SEM1: variants seen among roughly 807,000 people sequenced by gnomAD.
The protein encoded by SEM1 is 26S proteasome complex subunit SEM1.
SEM1 carries 3 observed loss-of-function variants against 12.7 expected under a neutral mutation model. The ratio of observed to expected loss-of-function variants is 0.24; its 90% CI spans 0.11 to 0.61. SEM1 has a LOEUF of 0.61. Among genes scored for constraint, SEM1 ranks in the 20% least tolerant of loss-of-function variants. The pLI is 0.88. For missense variants in SEM1, 59 were observed against 81.3 expected, an observed-to-expected ratio of 0.73 and a Z score of 1.06; for synonymous variants, 30 against 27.8, an observed-to-expected ratio of 1.08 and a Z score of -0.25.
chr7:96,616,208 G>C (rs1227677024), intron 2 of SEM1, among the ~76,000 whole-genome samples: 1 of 151,652 alleles, frequency 6.6e-6, no homozygotes, highest in African/African-American at 2.4e-5. Context: ...AACATTTATT[G>C]GTTTTAGACT....
intron 2 of SEM1, among the ~76,000 whole-genome samples, chr7:96,552,801 A>G (rs947789062): frequency 3.3e-5 from 5 of 152,040 alleles, no homozygotes; most frequent in Admixed American, 6.6e-5. Context: ...ACTAGTTTAC[A>G]GTCCCACCAA....
chr7:96,553,895 T>C (rs1051189627), intron 2 of SEM1, among the ~76,000 whole-genome samples: 2 of 152,200 alleles, frequency 1.3e-5, no homozygotes, highest in Non-Finnish European at 2.9e-5. Flanking sequence ...TAGTTCTCCT[T>C]GAAGAGGTCC....
intron 2 of SEM1, among the ~76,000 whole-genome samples, chr7:96,514,058 G>A (rs1248565942): frequency 6.6e-6 from 1 of 152,046 alleles, no homozygotes; most frequent in Admixed American, 6.6e-5. Flanking sequence ...TACATTTGGG[G>A]AAAGAAAATT....
At chr7:96,496,020 A>G (rs1280661102) in intron 1 of SEM1, among the ~76,000 whole-genome samples, 1 of 152,100 alleles carries the variant, frequency 6.6e-6, no homozygotes, top group Non-Finnish European at 1.5e-5. Context: ...CTGTCATTTC[A>G]TTGTACAAAC....
At chr7:96,486,200 T>TA (rs1802750989) in intron 2 of SEM1, 2 of 1,534,672 alleles carry the variant, frequency 1.3e-6, no homozygotes, top group Non-Finnish European at 1.7e-6. Flanking sequence ...GTCATCTGCT[T>TA]ACCTGCAGAC....
downstream of SEM1, among the ~76,000 whole-genome samples, chr7:96,618,531 A>G (rs1174820503): frequency 1.3e-5 from 2 of 152,140 alleles, no homozygotes; most frequent in East Asian, 3.9e-4. Flanking sequence ...TCGTAAGTTC[A>G]GTAACTTTAT....
chr7:96,488,806 G>A (rs979186309), intron 1 of SEM1, among the ~76,000 whole-genome samples: 9 of 152,010 alleles, frequency 5.9e-5, no homozygotes, highest in African/African-American at 9.7e-5. Flanking sequence ...GCATAATTCC[G>A]TGCCAAAATG....
intron 1 of SEM1, chr7:96,695,687 G>A (rs1422685348): frequency 2.0e-5 from 3 of 151,810 alleles, no homozygotes; most frequent in African/African-American, 7.2e-5. Flanking sequence ...TAGATACTAT[G>A]TTCTTGAGTA....
chr7:96,543,635 G>A (rs1464377018), intron 2 of SEM1, among the ~76,000 whole-genome samples: 1 of 151,816 alleles, frequency 6.6e-6, no homozygotes, highest in East Asian at 1.9e-4. Flanking sequence ...AGTAGTTTAT[G>A]TATCATAGCA....
At chr7:96,578,462 C>G (rs1806279125) in intron 2 of SEM1, among the ~76,000 whole-genome samples, 1 of 152,094 alleles carries the variant, frequency 6.6e-6, no homozygotes, top group Admixed American at 6.6e-5. Flanking sequence ...GAGAAAATAA[C>G]TGTCAACCTA....
intron 2 of SEM1, among the ~76,000 whole-genome samples, chr7:96,515,910 A>G (rs951606847): frequency 1.3e-5 from 2 of 152,152 alleles, no homozygotes; most frequent in African/African-American, 4.8e-5. Context: ...TAGCATTAGG[A>G]GAAATACCTA....
At chr7:96,674,349 C>T (rs1234874183) in intron 2 of SEM1, among the ~76,000 whole-genome samples, 1 of 151,976 alleles carries the variant, frequency 6.6e-6, no homozygotes, top group African/African-American at 2.4e-5. Context: ...GAATGAACAT[C>T]AGTCTGTCAA....
chr7:96,565,651 C>T (rs1805823378), intron 2 of SEM1, among the ~76,000 whole-genome samples: 1 of 151,764 alleles, frequency 6.6e-6, no homozygotes, highest in Non-Finnish European at 1.5e-5. Context: ...AATGATTACA[C>T]ACACTTATTC....
chr7:96,706,754 CTT>C (rs1307693385), intron 1 of SEM1, among the ~76,000 whole-genome samples: 80 of 152,218 alleles, frequency 5.3e-4, no homozygotes, highest in South Asian at 8.3e-4. Context: ...CCAGTAACGA[CTT>C]TCATGTGGCA....
chr7:96,546,377 A>C (rs923887088), intron 2 of SEM1, among the ~76,000 whole-genome samples: 1 of 152,082 alleles, frequency 6.6e-6, no homozygotes, highest in Non-Finnish European at 1.5e-5. Flanking sequence ...CAATTGTCAC[A>C]TACCTTCTTT....
At chr7:96,683,562 C>T (rs1336584022) in intron 2 of SEM1, among the ~76,000 whole-genome samples, 6 of 152,136 alleles carry the variant, frequency 3.9e-5, no homozygotes. Flanking sequence ...ATAAATCATT[C>T]TATAAAGCCA....
intron 2 of SEM1, among the ~76,000 whole-genome samples, chr7:96,681,402 T>A (rs1167144631): frequency 6.6e-6 from 1 of 152,108 alleles, no homozygotes; most frequent in Non-Finnish European, 1.5e-5. Flanking sequence ...ACAGTGATAG[T>A]ACTAATAATA....
At chr7:96,631,510 G>A (rs543838694) in intron 2 of SEM1, among the ~76,000 whole-genome samples, 4 of 152,178 alleles carry the variant, frequency 2.6e-5, no homozygotes, top group Admixed American at 6.5e-5. Context: ...GGGTGGTGTC[G>A]GTGATTCAAG....
In SEM1 at chr7:96,540,915, T is replaced by C. The variant is rs116614398; in HGVS notation, c.171-34217A>G. ...TCCTGGTTGCTGCAAAGGACATGATTTCATTCTTTCTTATAGCTGTGTAGT... is the reference window on the plus strand; with the variant it reads ...TCCTGGTTGCTGCAAAGGACATGATCTCATTCTTTCTTATAGCTGTGTAGT... On this transcript the variant is annotated intron_variant and NMD_transcript_variant, in intron 2 of 3. Coordinates refer to the SEM1 transcript ENST00000466986. Among the ~76,000 whole-genome samples, 690 of 152,012 alleles carry C rather than the reference T, an allele frequency of 4.5e-3. 8 individuals are homozygous for C. The highest frequency in any genetic ancestry group is 0.016 in the African/African-American group (664 of 41,508).
Sources: gnomAD v4.1 joint callset for allele counts (sites outside exome capture counted in the v4.1 genomes callset) on GRCh38, gnomAD v4.1.1 for gene constraint, MANE v1.5 for transcripts, NCBI Gene and HGNC (gene_info 2026-07-23, HGNC 2026-07-21) for gene names.